UBA3: variants seen among roughly 807,000 people sequenced by gnomAD.
UBA3 encodes the protein ubiquitin like modifier activating enzyme 3.
Under a neutral mutation model 73.5 loss-of-function variants are expected in UBA3, and 26 were observed. The observed-to-expected ratio is 0.35, with a 90% CI of 0.26 to 0.49. The LOEUF (loss-of-function observed/expected upper bound fraction) is 0.49. UBA3 is among the 20% of genes least tolerant of loss of function. The pLI is 0.98. For synonymous variants in UBA3, 217 were observed against 191.2 expected (o/e 1.13, Z -1.11); for missense variants, 495 against 555.6 (o/e 0.89, Z 1.10).
intron 7 of UBA3, 53 bp downstream of exon 7, chr3:69,064,011 TACCA>T: frequency 6.9e-7 from 1 of 1,449,400 alleles, no homozygotes; most frequent in Non-Finnish European, 9.5e-7. Context: ...TTTGAATAGC[TACCA>T]ACTAAAAAAT....
intron 11 of UBA3, among the ~76,000 whole-genome samples, chr3:69,059,399 G>A (rs1251616193): frequency 2.0e-5 from 3 of 152,168 alleles, no homozygotes; most frequent in Non-Finnish European, 4.4e-5. Context: ...AATATTCTTT[G>A]CATAGGAGAA....
chr3:69,060,125 A>T (rs1479146435), intron 11 of UBA3, among the ~76,000 whole-genome samples: 1 of 152,196 alleles, frequency 6.6e-6, no homozygotes, highest in Non-Finnish European at 1.5e-5. Context: ...CTTATTAAAA[A>T]TTTTCATCAA....
intron 3 of UBA3, 23 bp downstream of exon 3, chr3:69,077,775 A>G (rs1471769056): frequency 6.2e-7 from 1 of 1,602,098 alleles, no homozygotes; most frequent in African/African-American, 1.3e-5. Flanking sequence ...TAGAGCAGTT[A>G]TTTAAAAATA....
In UBA3 at chr3:69,061,947, G is replaced by A; in HGVS notation, c.797-20C>T. The A allele has an allele frequency of 1.8e-6, 2 of 1,137,530 alleles. No homozygotes were observed. Among genetic ancestry groups the A allele is most frequent in the Non-Finnish European group, 2.4e-6 (2 of 826,282 alleles). 70.5% of individuals were successfully genotyped at this position (1,137,530 alleles called of 1,614,324 possible). On this transcript the variant is annotated intron_variant, in intron 10 of 17. Coordinates refer to ENST00000361055, the MANE Select transcript of UBA3 (RefSeq NM_003968.4). ...CCCCTTCTGTTTAAAAAAAAAAAGG[G>A]AGAGAGAGAGAGAGAGAAGACAGGA...
chr3:69,080,371 C>T (rs2092210693), upstream of UBA3: 2 of 1,595,482 alleles, frequency 1.3e-6, no homozygotes, highest in East Asian at 2.3e-5. Flanking sequence ...TCCGCCTCTT[C>T]CCAGGTGCCC....
chr3:69,055,005 T>C lies in UBA3; in HGVS notation c.*432A>G, dbSNP rs2091961138. The C allele has an allele frequency of 6.6e-6, 1 of 152,644 alleles. No homozygotes were observed. The highest frequency in any genetic ancestry group is 1.5e-5 in the Non-Finnish European group (1 of 68,324). 9.5% of individuals were successfully genotyped at this position (152,644 alleles called of 1,614,324 possible). ...ATGAGTGTTATATCAAGAAATAGCC[T>C]ATGTTCAATATACTCCAGATGTCAG... On this transcript the variant is annotated 3_prime_UTR_variant, in exon 18 of 18. Coordinates refer to ENST00000361055, the MANE Select transcript of UBA3 (RefSeq NM_003968.4).
intron 11 of UBA3, among the ~76,000 whole-genome samples, chr3:69,059,029 G>T (rs772169093): frequency 1.3e-5 from 2 of 152,202 alleles, no homozygotes; most frequent in African/African-American, 4.8e-5. Context: ...GCAAATATGT[G>T]TAACACATGC....
At chr3:69,071,726 G>T in intron 4 of UBA3, 109 bp from the exon 5 acceptor site, 1 of 643,588 alleles carries the variant, frequency 1.6e-6, no homozygotes, top group East Asian at 3.3e-5. Flanking sequence ...AATAAATTCT[G>T]TGTAATTTGT....
In UBA3 at chr3:69,058,252, T is replaced by TCA. The variant is rs547555021; in HGVS notation, c.911-945_911-944dup. On this transcript the variant is annotated intron_variant, in intron 11 of 17. Transcript: ENST00000361055. ...TCACATATTAGGAATAAACAAAGCCTCACCTTAAACCATTTTTTAAAAGTA... is the reference window on the plus strand; with the variant it reads ...TCACATATTAGGAATAAACAAAGCCTCACACCTTAAACCATTTTTTAAAAGTA... Among the ~76,000 whole-genome samples, 75 of 152,300 alleles carry TCA rather than the reference T, an allele frequency of 4.9e-4. 1 individual carries two copies. The South Asian group carries it at 0.014, about 29-fold the overall frequency.
chr3:69,066,256 T>A (rs1477395535), intron 6 of UBA3, among the ~76,000 whole-genome samples: 1 of 151,918 alleles, frequency 6.6e-6, no homozygotes, highest in Non-Finnish European at 1.5e-5. Context: ...AGCTTCAAAC[T>A]CCTAGTCTCA....
intron 3 of UBA3, among the ~76,000 whole-genome samples, chr3:69,076,942 C>G (rs1453961226): frequency 6.6e-6 from 1 of 151,432 alleles, no homozygotes; most frequent in East Asian, 1.9e-4. Flanking sequence ...CATGAGATAA[C>G]ACGAAAACAT....
In UBA3 at chr3:69,063,502, T is replaced by C; in HGVS notation, c.474A>G (p.Gln158=). The change falls in exon 8 of 18, where the codon CAA becomes CAG. Residue 158 remains glutamine, a splice_region_variant and synonymous_variant. Coordinates refer to ENST00000361055, the MANE Select transcript of UBA3 (RefSeq NM_003968.4). ...IQDFNDTFYR[Q]FHIIVCGLDS... is the part of the protein sequence containing the mutation. ...CCAGTCCACATACAATAATATGAAATTCTACAAAAAAAAAAAAAAGCAACT... is the reference window on the plus strand; with the variant it reads ...CCAGTCCACATACAATAATATGAAACTCTACAAAAAAAAAAAAAAGCAACT... 6.5e-7 allele frequency: 1 copy of C among 1,534,886 alleles called. No homozygotes were observed. Among genetic ancestry groups the C allele is most frequent in the South Asian group, 1.3e-5 (1 of 77,550 alleles).
chr3:69,072,460 C>T (rs558977499), intron 4 of UBA3, among the ~76,000 whole-genome samples: 5 of 152,324 alleles, frequency 3.3e-5, no homozygotes, highest in Admixed American at 2.0e-4. Context: ...CAATAACCTC[C>T]GTGTTGCTAA....
At position 69,061,621 on chromosome 3, in the gene UBA3, T is replaced by C. The variant is rs1025977349; in HGVS notation, c.910+193A>G. ...AATGGACAGTTTGACTTGGATGACT[T>C]ATAGCCTAAGTAAGTAAGATTCAAT... On this transcript the variant is annotated intron_variant, in intron 11 of 17. Coordinates refer to ENST00000361055, the MANE Select transcript of UBA3 (RefSeq NM_003968.4). 2.9e-5 allele frequency: 14 copies of C among 477,258 alleles called. No individual in the cohort carries two copies. The Admixed American group carries it at 4.1e-4, about 14-fold the overall frequency. 29.6% of individuals were successfully genotyped at this position (477,258 alleles called of 1,614,324 possible).
At chr3:69,076,325 G>A (rs980632925) in intron 3 of UBA3, 1 of 152,172 alleles carries the variant, frequency 6.6e-6, no homozygotes, top group African/African-American at 2.4e-5. Flanking sequence ...GATCACCTGA[G>A]GTCAGGAAAG....
intron 11 of UBA3, among the ~76,000 whole-genome samples, chr3:69,058,302 C>T (rs2091994059): frequency 6.6e-6 from 1 of 152,102 alleles, no homozygotes; most frequent in Non-Finnish European, 1.5e-5. Context: ...CATTTTATAA[C>T]TATATTTGAA....
rs556612799 is a variant in UBA3 at position 69,055,188 on chromosome 3, G to C, written c.*249C>G. ...AGGTTGTATGCTTCCTCCTCTAAAA[G>C]AAGCAATACATTTGCTCATAATCTC... is the stretch of plus-strand genomic sequence containing the variant. On this transcript the variant is annotated 3_prime_UTR_variant, in exon 18 of 18. Coordinates refer to ENST00000361055, the MANE Select transcript of UBA3 (RefSeq NM_003968.4). 1 of 280,974 alleles carries C rather than the reference G, an allele frequency of 3.6e-6. No homozygotes were observed. The highest frequency in any genetic ancestry group is 1.4e-4 in the South Asian group (1 of 7,084). 17.4% of individuals were successfully genotyped at this position (280,974 alleles called of 1,614,324 possible). A position where few individuals can be genotyped will look rare whatever the true frequency, so the allele number is the denominator to read the frequency against.
chr3:69,071,413 T>C (rs1290045933), intron 5 of UBA3, 122 bp downstream of exon 5: 8 of 602,312 alleles, frequency 1.3e-5, no homozygotes, highest in Non-Finnish European at 2.2e-5. Flanking sequence ...AGTTTTTGTT[T>C]TTTAAAATAA....
rs539744043 is a variant in UBA3, at chr3:69,061,933, TA to T, written c.797-7del. 0.058 allele frequency: 62,716 copies of T among 1,088,260 alleles called. No individual in the cohort carries two copies. The highest frequency in any genetic ancestry group is 0.1 in the South Asian group (5,459 of 52,376). 67.4% of individuals were successfully genotyped at this position (1,088,260 alleles called of 1,614,324 possible). A position where few individuals can be genotyped will look rare whatever the true frequency, so the allele number is the denominator to read the frequency against. The stretch of plus-strand genomic sequence containing the variant: ...TCCATCTAATGGAACCCCTTCTGTT[TA>T]AAAAAAAAAAGGGAGAGAGAGAGAG... On this transcript the variant is annotated splice_region_variant and splice_polypyrimidine_tract_variant and intron_variant, in intron 10 of 17. Coordinates refer to ENST00000361055, the MANE Select transcript of UBA3 (RefSeq NM_003968.4).
Sources: gnomAD v4.1 joint callset for allele counts (sites outside exome capture counted in the v4.1 genomes callset) on GRCh38, gnomAD v4.1.1 for gene constraint, MANE v1.5 for transcripts, NCBI Gene and HGNC (gene_info 2026-07-23, HGNC 2026-07-21) for gene names.